The following KHDRBS3 variants were observed in gnomAD, a reference collection of about 807,000 sequenced individuals.
The protein encoded by KHDRBS3 is KH domain-containing, RNA-binding, signal transduction-associated protein 3.
A neutral mutation model predicts 45.6 loss-of-function variants in KHDRBS3; 23 were observed. The observed-to-expected ratio is 0.50, with a 90% CI of 0.36 to 0.72. The LOEUF is 0.72. Among genes scored for constraint, KHDRBS3 ranks in the 30% least tolerant of loss-of-function variants. The pLI is 0.00. For synonymous variants in KHDRBS3, 162 were observed against 156.5 expected, an observed-to-expected ratio of 1.04 and a Z score of -0.26; for missense variants, 352 against 424.8, an observed-to-expected ratio of 0.83 and a Z score of 1.51.
At chr8:135,558,381 T>A (rs1198709925) in intron 5 of KHDRBS3, among the ~76,000 whole-genome samples, 2 of 152,224 alleles carry the variant, frequency 1.3e-5, no homozygotes. Context: ...ATAATGCAAA[T>A]TTTTCAATTA....
intron 2 of KHDRBS3, among the ~76,000 whole-genome samples, chr8:135,535,883 C>T (rs969822904): frequency 6.6e-6 from 1 of 152,122 alleles, no homozygotes; most frequent in Non-Finnish European, 1.5e-5. Flanking sequence ...ACCGATTCCT[C>T]CTGAAGATTA....
chr8:135,563,671 A>G (rs1475603949), intron 5 of KHDRBS3, among the ~76,000 whole-genome samples: 1 of 152,212 alleles, frequency 6.6e-6, no homozygotes, highest in Non-Finnish European at 1.5e-5. Flanking sequence ...CTTTCTGATC[A>G]AGTGTTGACC....
intron 5 of KHDRBS3, among the ~76,000 whole-genome samples, chr8:135,571,019 A>C (rs1470194610): frequency 6.6e-6 from 1 of 152,220 alleles, no homozygotes; most frequent in African/African-American, 2.4e-5. Context: ...TAGTGTTACA[A>C]ATTGGGTAAC....
intron 7 of KHDRBS3, among the ~76,000 whole-genome samples, chr8:135,634,638 C>A (rs192281896): frequency 3.9e-5 from 6 of 152,240 alleles, no homozygotes; most frequent in African/African-American, 9.6e-5. Flanking sequence ...CATGTTAAAA[C>A]TGTTTGTAAG....
intron 5 of KHDRBS3, among the ~76,000 whole-genome samples, chr8:135,569,989 A>G (rs1359761855): frequency 2.0e-5 from 3 of 152,224 alleles, no homozygotes; most frequent in Admixed American, 6.5e-5. Flanking sequence ...ATTAAAAAAG[A>G]TAATTTTTGT....
chr8:135,545,411 C>CA (rs1260558975), intron 3 of KHDRBS3, among the ~76,000 whole-genome samples: 1 of 152,174 alleles, frequency 6.6e-6, no homozygotes, highest in Non-Finnish European at 1.5e-5. Flanking sequence ...TTTGAGTACT[C>CA]AAAGTTATTT....
At chr8:135,630,809 T>TA (rs1830565584) in intron 7 of KHDRBS3, among the ~76,000 whole-genome samples, 1 of 152,152 alleles carries the variant, frequency 6.6e-6, no homozygotes, top group African/African-American at 2.4e-5. Flanking sequence ...ATAAGGCACT[T>TA]ACCATGAATG....
At chr8:135,474,877 C>T (rs940960524) in intron 1 of KHDRBS3, among the ~76,000 whole-genome samples, 8 of 152,078 alleles carry the variant, frequency 5.3e-5, no homozygotes, top group Admixed American at 2.6e-4. Context: ...ACGGTGTGGG[C>T]GCTGCTGTGC....
intron 1 of KHDRBS3, among the ~76,000 whole-genome samples, chr8:135,510,708 C>A (rs943962403): frequency 6.6e-6 from 1 of 152,234 alleles, no homozygotes; most frequent in African/African-American, 2.4e-5. Flanking sequence ...TCTGGGATTA[C>A]AGGCTTGAGC....
At chr8:135,547,549 C>T (rs1447620187) in intron 3 of KHDRBS3, among the ~76,000 whole-genome samples, 2 of 152,188 alleles carry the variant, frequency 1.3e-5, no homozygotes, top group African/African-American at 2.4e-5. Context: ...GCCCATTTCC[C>T]GCTCTGTGTA....
chr8:135,643,933 T>C (rs1831176489), intron 7 of KHDRBS3, among the ~76,000 whole-genome samples: 1 of 152,234 alleles, frequency 6.6e-6, no homozygotes, highest in Non-Finnish European at 1.5e-5. Flanking sequence ...TGTGACTTCC[T>C]GAGGTGTTAA....
At chr8:135,583,863 A>C (rs1268867317) in intron 6 of KHDRBS3, among the ~76,000 whole-genome samples, 1 of 152,226 alleles carries the variant, frequency 6.6e-6, no homozygotes, top group Non-Finnish European at 1.5e-5. Context: ...GTTAAAGTCC[A>C]AAGGAGGAAA....
At chr8:135,587,589 C>T (rs986587282) in intron 6 of KHDRBS3, among the ~76,000 whole-genome samples, 1 of 152,028 alleles carries the variant, frequency 6.6e-6, no homozygotes, top group Non-Finnish European at 1.5e-5. Flanking sequence ...CAAGAAGTGC[C>T]TTTTTTCCAA....
At chr8:135,554,955 A>T (rs1826800488) in intron 4 of KHDRBS3, among the ~76,000 whole-genome samples, 1 of 152,030 alleles carries the variant, frequency 6.6e-6, no homozygotes, top group Non-Finnish European at 1.5e-5. Context: ...GCAAACTATG[A>T]TCCTTTCTGT....
chr8:135,464,833 C>T (rs1052863928), intron 1 of KHDRBS3, among the ~76,000 whole-genome samples: 10 of 152,190 alleles, frequency 6.6e-5, no homozygotes, highest in Admixed American at 6.5e-4. Context: ...TAGCTAGTAA[C>T]TGGTGAATCA....
In KHDRBS3 at chr8:135,512,437, G is replaced by T. The variant is rs185048968; in HGVS notation, c.89-8800G>T. On this transcript the variant is annotated intron_variant, in intron 1 of 8. Coordinates refer to ENST00000355849, the MANE Select transcript of KHDRBS3 (RefSeq NM_006558.3). ...AAGGTGTTTGGAAAAGTCGGGGGGG[G>T]GGTAATAACTCTATTGATCTTATTA... Among the ~76,000 whole-genome samples, 5 of 128,378 alleles carry T rather than the reference G, an allele frequency of 3.9e-5. 2 individuals are homozygous for T. Among genetic ancestry groups the T allele is most frequent in the African/African-American group, 1.5e-4 (5 of 33,936 alleles). The allele number at this position is 128,378 out of a possible 152,430, so 84.2% of individuals were successfully genotyped here.
chr8:135,578,222 G>A (rs1228907980), intron 5 of KHDRBS3, among the ~76,000 whole-genome samples: 1 of 152,028 alleles, frequency 6.6e-6, no homozygotes, highest in African/African-American at 2.4e-5. Context: ...ACACAAAGCC[G>A]AAGTCTATAA....
Position 135,576,528 on chromosome 8 carries a change from G to T in KHDRBS3, c.612-5350G>T, listed in dbSNP as rs146120969. Among the ~76,000 whole-genome samples, 34 of 151,624 alleles carry T rather than the reference G, an allele frequency of 2.2e-4. No homozygotes were observed. In the East Asian group the frequency reaches 6.0e-3, roughly 27 times the overall value. On this transcript the variant is annotated intron_variant, in intron 5 of 8. Coordinates refer to ENST00000355849, the MANE Select transcript of KHDRBS3 (RefSeq NM_006558.3). Reference sequence around the variant, plus strand: ...GCTTTGGCCATTGGGAGTTCTTTCAGTTGGCTTTGACACATGCCCATAATT... The same window carrying T: ...GCTTTGGCCATTGGGAGTTCTTTCATTTGGCTTTGACACATGCCCATAATT...
At chr8:135,643,531 C>G (rs1207026352) in intron 7 of KHDRBS3, among the ~76,000 whole-genome samples, 1 of 152,132 alleles carries the variant, frequency 6.6e-6, no homozygotes, top group Non-Finnish European at 1.5e-5. Flanking sequence ...GGCCTTCTGG[C>G]AGAAAGAGTA....
Sources: allele counts gnomAD v4.1 joint callset (sites outside exome capture counted in the v4.1 genomes callset), GRCh38; gene constraint gnomAD v4.1.1; transcripts MANE v1.5; gene names NCBI Gene and HGNC (gene_info 2026-07-23, HGNC 2026-07-21).